SEMA4F: variants seen among roughly 807,000 people sequenced by gnomAD.
SEMA4F encodes ssemaphorin 4F, also known as semaphorin-4F.
A neutral mutation model predicts 78.4 loss-of-function variants in SEMA4F; 51 were observed. The ratio of observed to expected loss-of-function variants is 0.65; its 90% CI spans 0.52 to 0.82. SEMA4F has a LOEUF of 0.82. Among genes scored for constraint, SEMA4F ranks in the 40% least tolerant of loss-of-function variants. SEMA4F has a pLI of 0.00. For synonymous variants in SEMA4F, 418 were observed against 408.7 expected (o/e 1.02, Z -0.27); for missense variants, 938 against 1,014.4 (o/e 0.92, Z 1.02).
Position 74,677,863 on chromosome 2 carries a change from G to A in SEMA4F, c.1644-1413G>A, listed in dbSNP as rs1441199941. On this transcript the variant is annotated intron_variant, in intron 12 of 13. Coordinates refer to ENST00000357877, the MANE Select transcript of SEMA4F (RefSeq NM_004263.5). ...CAAAACAGAGTGAAATGTTTAAAAT[G>A]GTAACTGATCTGTAGGGCTAGATAT... is the stretch of plus-strand genomic sequence containing the variant. Among the ~76,000 whole-genome samples the A allele has an allele frequency of 3.9e-5, 6 of 152,180 alleles. No homozygotes were observed. In the South Asian group the frequency reaches 1.2e-3, roughly 32 times the overall value.
At chr2:74,689,540 A>G in the SEMA4F span, among the ~76,000 whole-genome samples, 1 of 152,200 alleles carries the variant, frequency 6.6e-6, no homozygotes, top group African/African-American at 2.4e-5. Flanking sequence ...TAAGTGTGCA[A>G]AGACATACTT....
chr2:74,673,935 A>G (rs973081695), intron 7 of SEMA4F, 107 bp downstream of exon 7: 35 of 1,322,000 alleles, frequency 2.6e-5, no homozygotes, highest in Non-Finnish European at 2.9e-5. Context: ...TGTGTCTCCT[A>G]TTTTCTCTGC....
the SEMA4F span, among the ~76,000 whole-genome samples, chr2:74,707,262 A>G: frequency 2.0e-5 from 3 of 152,220 alleles, no homozygotes; most frequent in Non-Finnish European, 4.4e-5. Context: ...TAAAAGACAG[A>G]TGCTGAAGTA....
chr2:74,686,497 G>A (rs1156978109), downstream of SEMA4F, among the ~76,000 whole-genome samples: 6 of 152,294 alleles, frequency 3.9e-5, no homozygotes, highest in South Asian at 1.0e-3. Flanking sequence ...AGAATTAGAA[G>A]TACCATTTGA....
intron 5 of SEMA4F, among the ~76,000 whole-genome samples, chr2:74,672,717 C>T (rs1685050142): frequency 6.6e-6 from 1 of 152,208 alleles, no homozygotes. Context: ...TCAGTCTCCA[C>T]TATCCCTGGA....
rs1183558400 is a variant in SEMA4F, at chr2:74,679,644, T to G, written c.1748T>G (p.Val583Gly). 6.2e-7 allele frequency: 1 copy of G among 1,611,278 alleles called. No homozygotes were observed. The highest frequency in any genetic ancestry group is 1.1e-5 in the South Asian group (1 of 91,052). Residue 583 changes from valine to glycine, a missense_variant, in exon 14 of 14, where the codon GTG (valine) becomes GGG (glycine). Coordinates refer to ENST00000357877, the MANE Select transcript of SEMA4F (RefSeq NM_004263.5). The stretch of plus-strand genomic sequence containing the variant: ...GTTCCCGTGGCTACAGCTGCGCATG[T>G]GGTCTTGCCATGTTCTCCAAGCTCA... ...FEVPVATAAHVVLPCSPSSAW... is the reference protein window; with the variant it reads ...FEVPVATAAHGVLPCSPSSAW...
chr2:74,669,015 A>G (rs780091578), intron 5 of SEMA4F, among the ~76,000 whole-genome samples: 3 of 151,722 alleles, frequency 2.0e-5, no homozygotes, highest in Admixed American at 6.6e-5. Flanking sequence ...AATCCCAGCA[A>G]TTTGGGAGGC....
At position 74,654,331 on chromosome 2, in the gene SEMA4F, C is replaced by G. The variant is rs1230259367; in HGVS notation, c.-46C>G. ...AGGCCAGTAGCCCCGGGGCCCTGAG[C>G]AGAGGCCGTAGCTTGCGCCGCACCC... is the stretch of plus-strand genomic sequence containing the variant. On this transcript the variant is annotated 5_prime_UTR_variant, in exon 1 of 14. Transcript: ENST00000357877. 6 of 1,425,528 alleles carry G rather than the reference C, an allele frequency of 4.2e-6. No individual in the cohort carries two copies. The Admixed American group carries it at 1.7e-4, about 40-fold the overall frequency. 88.3% of individuals were successfully genotyped at this position (1,425,528 alleles called of 1,614,324 possible). A position where few individuals can be genotyped will look rare whatever the true frequency, so the allele number is the denominator to read the frequency against.
the SEMA4F span, among the ~76,000 whole-genome samples, chr2:74,705,437 A>C: frequency 2.6e-5 from 4 of 152,268 alleles, no homozygotes; most frequent in African/African-American, 9.6e-5. Context: ...ATCCCTGTAT[A>C]GGTTTACTCT....
intron 5 of SEMA4F, among the ~76,000 whole-genome samples, chr2:74,665,228 C>CTTTTTTTT (rs11348861): frequency 9.3e-5 from 12 of 128,688 alleles, no homozygotes; most frequent in Non-Finnish European, 1.8e-4. Context: ...CACTCTTTTT[C>CTTTTTTTT]TTTTTTTTTT....
At chr2:74,696,151 A>T in the SEMA4F span, among the ~76,000 whole-genome samples, 96 of 151,606 alleles carry the variant, frequency 6.3e-4, no homozygotes, top group African/African-American at 2.1e-3. Flanking sequence ...TATATATATA[A>T]AAGTTTGTAT....
At chr2:74,705,870 T>C in the SEMA4F span, among the ~76,000 whole-genome samples, 2 of 152,234 alleles carry the variant, frequency 1.3e-5, no homozygotes, top group Non-Finnish European at 1.5e-5. Context: ...CCTGGCCATA[T>C]TTGCACATTT....
At chr2:74,655,257 AT>A in intron 1 of SEMA4F, 1 of 375,618 alleles carries the variant, frequency 2.7e-6, no homozygotes, top group South Asian at 2.1e-5. Context: ...TGCTTAAATG[AT>A]TTTTCAAGTC....
At position 74,662,761 on chromosome 2, in the gene SEMA4F, A is replaced by G. The variant is rs1440835003; in HGVS notation, c.486A>G (p.Arg162=). 1.9e-6 allele frequency: 3 copies of G among 1,613,998 alleles called. No individual in the cohort carries two copies. The African/African-American group carries it at 4.0e-5, about 22-fold the overall frequency. The change falls in exon 5 of 14, where the codon AGA becomes AGG. Residue 162 remains arginine, a synonymous_variant. Transcript: ENST00000357877. Reference sequence around the variant, plus strand: ...TGTCCAGGTTCCAGCAGGTTGAAAGACTTGAGAGTGGCCGGGGGAAATGTC... The same window carrying G: ...TGTCCAGGTTCCAGCAGGTTGAAAGGCTTGAGAGTGGCCGGGGGAAATGTC... ...IDVSRFQQVE[R]LESGRGKCPF... is the part of the protein sequence containing the mutation.
At chr2:74,687,588 A>G (rs1685848091), downstream of SEMA4F, among the ~76,000 whole-genome samples, 1 of 152,176 alleles carries the variant, frequency 6.6e-6, no homozygotes, top group African/African-American at 2.4e-5. Flanking sequence ...GAGCTGACCC[A>G]CTGGGTAATG....
At chr2:74,691,920 G>A in the SEMA4F span, among the ~76,000 whole-genome samples, 1 of 152,078 alleles carries the variant, frequency 6.6e-6, no homozygotes, top group Non-Finnish European at 1.5e-5. Flanking sequence ...TATATGGCTC[G>A]GTCACTCCAT....
At chr2:74,692,291 G>A in the SEMA4F span, among the ~76,000 whole-genome samples, 1 of 152,176 alleles carries the variant, frequency 6.6e-6, no homozygotes, top group Non-Finnish European at 1.5e-5. Context: ...CAGACACAGA[G>A]TTCATGAAAT....
chr2:74,686,987 T>A (rs1280878471), downstream of SEMA4F, among the ~76,000 whole-genome samples: 8 of 148,354 alleles, frequency 5.4e-5, no homozygotes, highest in African/African-American at 1.2e-4. Context: ...AAGTATAATT[T>A]AAAAAAAAAA....
intron 5 of SEMA4F, among the ~76,000 whole-genome samples, chr2:74,671,878 C>A (rs927633639): frequency 5.9e-5 from 9 of 152,152 alleles, no homozygotes; most frequent in African/African-American, 9.7e-5. Context: ...TCTGTCTCAT[C>A]TCATGTTCAG....
Sources: allele counts gnomAD v4.1 joint callset (sites outside exome capture counted in the v4.1 genomes callset), GRCh38; gene constraint gnomAD v4.1.1; transcripts MANE v1.5; gene names NCBI Gene and HGNC (gene_info 2026-07-23, HGNC 2026-07-21).